Variants in LMO7 observed in about 807,000 individuals in gnomAD.
LMO7 encodes the protein LIM domain only protein 7.
In LMO7, 120 loss-of-function variants were observed where a neutral mutation model predicts 206.5. That is an observed-to-expected ratio of 0.58 (90% CI 0.50 to 0.68). LMO7 has a LOEUF of 0.68. Ranked by LOEUF, LMO7 falls within the 30% of genes least tolerant of loss-of-function variation. The pLI is 0.00. For missense variants in LMO7, 1,959 were observed against 1,957.9 expected (o/e 1.00, Z -0.01); for synonymous variants, 706 against 681.5 (o/e 1.04, Z -0.56).
chr13:75,848,851 T>A, intron 26 of LMO7: 1 of 462,386 alleles, frequency 2.2e-6, no homozygotes, highest in South Asian at 2.5e-5. Context: ...TCCATAGTGG[T>A]TGTACTAGTT....
intron 3 of LMO7, among the ~76,000 whole-genome samples, chr13:75,755,881 C>T (rs1282546055): frequency 6.6e-6 from 1 of 152,056 alleles, no homozygotes; most frequent in Non-Finnish European, 1.5e-5. Flanking sequence ...GAAGTGATGC[C>T]TCGATTCTTC....
At position 75,856,618 on chromosome 13, in the gene LMO7, C is replaced by T. The variant is rs1408074571; in HGVS notation, c.4873+10C>T. ...TATCTCAGATTCAAATGTAAGAGAG[C>T]AAATCAGAGAGAAAATTTCTTGCCT... On this transcript the variant is annotated intron_variant, in intron 30 of 30. Transcript: ENST00000377534. The T allele has an allele frequency of 1.3e-6, 2 of 1,541,232 alleles. No homozygotes were observed. Among genetic ancestry groups the T allele is most frequent in the African/African-American group, 1.4e-5 (1 of 73,560 alleles).
exon 2 of LMO7, chr13:75,623,312 C>A: frequency 7.0e-7 from 1 of 1,420,760 alleles, no homozygotes; most frequent in Non-Finnish European, 9.9e-7. Context: ...AAGGACTATT[C>A]TCATTAAGGT....
At chr13:75,695,277 G>C (rs999700614) in intron 1 of LMO7, among the ~76,000 whole-genome samples, 1 of 152,190 alleles carries the variant, frequency 6.6e-6, no homozygotes, top group Non-Finnish European at 1.5e-5. Context: ...ATGTCTCACT[G>C]AATCAAGGTG....
intron 3 of LMO7, among the ~76,000 whole-genome samples, chr13:75,756,271 A>C (rs1389256627): frequency 6.6e-6 from 1 of 152,142 alleles, no homozygotes; most frequent in Non-Finnish European, 1.5e-5. Context: ...AATGGAATGA[A>C]CCCCAATAAG....
chr13:75,779,145 G>C (rs913194029), intron 4 of LMO7, among the ~76,000 whole-genome samples: 2 of 152,126 alleles, frequency 1.3e-5, no homozygotes, highest in Admixed American at 1.3e-4. Flanking sequence ...CCTCAAGCCT[G>C]TACAACCAGG....
rs551875228 is a variant in LMO7 at position 75,823,343 on chromosome 13, C to T, written c.2641-222C>T. Reference sequence around the variant, plus strand: ...TGGAGTAAACAAGCAAAGCAAATTTCGGAAGTTTGTATGTGATATGAATGC... The same window carrying T: ...TGGAGTAAACAAGCAAAGCAAATTTTGGAAGTTTGTATGTGATATGAATGC... On this transcript the variant is annotated intron_variant, in intron 14 of 30. Transcript: ENST00000377534. 5.9e-5 allele frequency among the ~76,000 whole-genome samples: 9 copies of T among 152,220 alleles called. No homozygotes were observed. The South Asian group carries it at 8.3e-4, about 14-fold the overall frequency.
At chr13:75,809,483 G>C (rs549111358) in intron 11 of LMO7, among the ~76,000 whole-genome samples, 2 of 152,214 alleles carry the variant, frequency 1.3e-5, no homozygotes, top group South Asian at 2.1e-4. Flanking sequence ...CTAAGATTAG[G>C]TATATGTATT....
intron 3 of LMO7, among the ~76,000 whole-genome samples, chr13:75,731,840 C>T (rs1283988656): frequency 6.6e-6 from 1 of 151,780 alleles, no homozygotes; most frequent in Non-Finnish European, 1.5e-5. Context: ...GACAAAATCT[C>T]TCAGCATTTG....
intron 3 of LMO7, among the ~76,000 whole-genome samples, chr13:75,742,406 C>A (rs950822798): frequency 6.6e-6 from 1 of 152,002 alleles, no homozygotes; most frequent in Non-Finnish European, 1.5e-5. Flanking sequence ...AAAAAAGCCC[C>A]AATAGCCAGG....
intron 4 of LMO7, among the ~76,000 whole-genome samples, chr13:75,761,614 C>T (rs1213274954): frequency 1.3e-5 from 2 of 152,018 alleles, no homozygotes; most frequent in Non-Finnish European, 2.9e-5. Flanking sequence ...GGTGAGAACA[C>T]GTATGCCAGT....
chr13:75,756,498 A>G (rs1243542770), intron 3 of LMO7, among the ~76,000 whole-genome samples: 1 of 152,148 alleles, frequency 6.6e-6, no homozygotes, highest in Non-Finnish European at 1.5e-5. Context: ...GGCACCAAGA[A>G]TCCAGAGGGT....
chr13:75,636,270 G>C, upstream of LMO7: 1 of 1,047,512 alleles, frequency 9.5e-7, no homozygotes, highest in Non-Finnish European at 1.1e-6. Context: ...GGGCGGTGGG[G>C]TGGGCCGGGG....
intron 4 of LMO7, among the ~76,000 whole-genome samples, chr13:75,774,499 T>G (rs1594877079): frequency 6.6e-6 from 1 of 152,154 alleles, no homozygotes; most frequent in East Asian, 1.9e-4. Flanking sequence ...AAATATAAGT[T>G]GTCCCACATT....
At chr13:75,689,838 C>T (rs998323312) in intron 1 of LMO7, among the ~76,000 whole-genome samples, 3 of 152,154 alleles carry the variant, frequency 2.0e-5, no homozygotes, top group Admixed American at 6.5e-5. Context: ...TTTTGGGACA[C>T]GGACTGGCTT....
At chr13:75,834,411 C>T in intron 17 of LMO7, 24 bp downstream of exon 17, 5 of 1,530,680 alleles carry the variant, frequency 3.3e-6, no homozygotes, top group Non-Finnish European at 4.4e-6. Flanking sequence ...ACCACCATGT[C>T]TGGCATTTGA....
intron 3 of LMO7, among the ~76,000 whole-genome samples, chr13:75,728,999 A>G (rs1188866651): frequency 6.6e-6 from 1 of 152,104 alleles, no homozygotes; most frequent in Non-Finnish European, 1.5e-5. Context: ...CTGTTTTGGT[A>G]GCAGTACCAT....
chr13:75,761,064 T>G, intron 4 of LMO7, 26 bp downstream of exon 4: 2 of 1,196,840 alleles, frequency 1.7e-6, no homozygotes, highest in South Asian at 1.5e-5. Flanking sequence ...TTGTTAGATA[T>G]ATATATATAT....
chr13:75,740,543 T>A (rs2046329092), intron 3 of LMO7, among the ~76,000 whole-genome samples: 1 of 152,244 alleles, frequency 6.6e-6, no homozygotes, highest in Non-Finnish European at 1.5e-5. Context: ...TAGAGCTAGT[T>A]TAAAATAACC....
Sources: gnomAD v4.1 joint callset for allele counts (sites outside exome capture counted in the v4.1 genomes callset) on GRCh38, gnomAD v4.1.1 for gene constraint, MANE v1.5 for transcripts, NCBI Gene and HGNC (gene_info 2026-07-23, HGNC 2026-07-21) for gene names.